The following S100Z variants were observed in gnomAD, a reference collection of about 807,000 sequenced individuals.
The protein encoded by S100Z is protein S100-Z.
S100Z carries 11 observed loss-of-function variants against 8.5 expected under a neutral mutation model. The observed-to-expected ratio is 1.30, with a 90% CI of 0.82 to 2.15. The LOEUF is 2.15. Among genes scored for constraint, S100Z ranks in the 30% most tolerant of loss-of-function variants. S100Z has a pLI of 0.00. For missense variants in S100Z, 126 were observed against 117.9 expected, an observed-to-expected ratio of 1.07 and a Z score of -0.32; for synonymous variants, 34 against 43.8, an observed-to-expected ratio of 0.78 and a Z score of 0.89.
At chr5:76,932,473 C>T in the S100Z span, among the ~76,000 whole-genome samples, 1 of 152,162 alleles carries the variant, frequency 6.6e-6, no homozygotes, top group Non-Finnish European at 1.5e-5. Context: ...CCTGCCTCAG[C>T]CTCCCAAGTA....
chr5:76,850,387 G>A (rs1381429504), intron 1 of S100Z, among the ~76,000 whole-genome samples: 1 of 151,754 alleles, frequency 6.6e-6, no homozygotes, highest in Non-Finnish European at 1.5e-5. Flanking sequence ...ATAGCTCGGA[G>A]CGTAGAGGTT....
At chr5:76,920,474 T>G (rs1314260615) in intron 4 of S100Z, among the ~76,000 whole-genome samples, 3 of 152,346 alleles carry the variant, frequency 2.0e-5, no homozygotes, top group Middle Eastern at 6.8e-3. Context: ...GTATACACAA[T>G]GCTTCGTCGG....
At chr5:76,923,778 G>C (rs1480677524), downstream of S100Z, among the ~76,000 whole-genome samples, 1 of 152,202 alleles carries the variant, frequency 6.6e-6, no homozygotes, top group Non-Finnish European at 1.5e-5. Flanking sequence ...GCACCTGAAA[G>C]CTTGTTGGAA....
At chr5:76,917,114 A>G (rs1448312056) in intron 4 of S100Z, among the ~76,000 whole-genome samples, 1 of 121,900 alleles carries the variant, frequency 8.2e-6, no homozygotes, top group Non-Finnish European at 1.7e-5. Context: ...TGACAGAGTG[A>G]GACTGTCTCA....
At chr5:76,939,035 A>G in the S100Z span, among the ~76,000 whole-genome samples, 1 of 152,210 alleles carries the variant, frequency 6.6e-6, no homozygotes, top group Non-Finnish European at 1.5e-5. Flanking sequence ...ATATTTTCAG[A>G]TTAGAGAAAA....
the S100Z span, among the ~76,000 whole-genome samples, chr5:76,932,716 C>G: frequency 6.6e-6 from 1 of 152,182 alleles, no homozygotes; most frequent in African/African-American, 2.4e-5. Flanking sequence ...CGACCCCTTC[C>G]CATCCACAGA....
At chr5:76,856,061 C>T (rs959967631) in intron 1 of S100Z, among the ~76,000 whole-genome samples, 1 of 152,200 alleles carries the variant, frequency 6.6e-6, no homozygotes. Context: ...CCTTCCTCCT[C>T]CTCCGGCCAC....
chr5:76,872,913 C>T (rs964108501), intron 2 of S100Z, among the ~76,000 whole-genome samples: 24 of 152,180 alleles, frequency 1.6e-4, no homozygotes, highest in Non-Finnish European at 3.1e-4. Context: ...GTCGAGGCTG[C>T]AGTGAGCTGT....
chr5:76,916,027 G>T (rs938441987), intron 4 of S100Z, among the ~76,000 whole-genome samples: 8 of 152,018 alleles, frequency 5.3e-5, no homozygotes, highest in Non-Finnish European at 8.8e-5. Context: ...TGGGCGTGGA[G>T]GTACACACTT....
At chr5:76,879,253 C>T (rs748338053) in intron 4 of S100Z, among the ~76,000 whole-genome samples, 6 of 151,986 alleles carry the variant, frequency 3.9e-5, no homozygotes, top group African/African-American at 9.7e-5. Flanking sequence ...CTATGAGGAC[C>T]GTGGAGAAAA....
chr5:76,866,372 A>G (rs918834175), intron 1 of S100Z, among the ~76,000 whole-genome samples: 2 of 152,172 alleles, frequency 1.3e-5, no homozygotes, highest in African/African-American at 4.8e-5. Context: ...GATATGAGCC[A>G]CCACACCTGG....
intron 4 of S100Z, among the ~76,000 whole-genome samples, chr5:76,901,107 T>G (rs79427106): frequency 0.032 from 4,836 of 152,280 alleles, 254 homozygotes; most frequent in African/African-American, 0.11. Context: ...CTGAGCCACC[T>G]ACAGCTAGAG....
the S100Z span, among the ~76,000 whole-genome samples, chr5:76,934,731 T>C: frequency 6.6e-6 from 1 of 152,210 alleles, no homozygotes; most frequent in Non-Finnish European, 1.5e-5. Flanking sequence ...AGAGCAGCCC[T>C]CACCTGACAC....
chr5:76,881,013 G>A (rs929997033), intron 4 of S100Z, among the ~76,000 whole-genome samples: 3 of 152,186 alleles, frequency 2.0e-5, no homozygotes, highest in African/African-American at 7.2e-5. Context: ...AGATAGCTGG[G>A]GAGAGGTAGA....
intron 4 of S100Z, among the ~76,000 whole-genome samples, 157 bp from the exon 5 acceptor site, chr5:76,920,560 C>G (rs1016595150): frequency 6.6e-6 from 1 of 152,286 alleles, no homozygotes; most frequent in Non-Finnish European, 1.5e-5. Context: ...ATGGAGCGCT[C>G]CTCACTCTCC....
the S100Z span, among the ~76,000 whole-genome samples, chr5:76,952,346 C>G: frequency 1.3e-5 from 2 of 152,204 alleles, no homozygotes. Flanking sequence ...GGAGTGTGTA[C>G]ATCATGTAAA....
the S100Z span, among the ~76,000 whole-genome samples, chr5:76,929,026 G>C: frequency 1.1e-4 from 16 of 152,360 alleles, no homozygotes; most frequent in African/African-American, 3.6e-4. Flanking sequence ...TTATAGGCGT[G>C]AGCCTCTGTG....
chr5:76,862,138 T>TGTGTGG lies in S100Z; in HGVS notation c.-175-8023_-175-8022insGGTGTG, dbSNP rs1751076578. On this transcript the variant is annotated intron_variant, in intron 1 of 4. Coordinates refer to ENST00000317593, the MANE Select transcript of S100Z (RefSeq NM_130772.4). ...CAGGGATAAGGAGTGTGCGTGTGTG[T>TGTGTGG]GTGTGTGTGTGTGTGTGTAAACTTT... 2.0e-5 allele frequency among the ~76,000 whole-genome samples: 3 copies of TGTGTGG among 151,568 alleles called. No individual in the cohort carries two copies. In the South Asian group the frequency reaches 6.2e-4, roughly 32 times the overall value.
intron 4 of S100Z, among the ~76,000 whole-genome samples, chr5:76,917,123 C>CA (rs35232494): frequency 0.55 from 44,814 of 81,202 alleles, 13,415 homozygotes; most frequent in Non-Finnish European, 0.68. Context: ...GAGACTGTCT[C>CA]AAAAAAAAAA....
Sources: allele counts gnomAD v4.1 joint callset (sites outside exome capture counted in the v4.1 genomes callset), GRCh38; gene constraint gnomAD v4.1.1; transcripts MANE v1.5; gene names NCBI Gene and HGNC (gene_info 2026-07-23, HGNC 2026-07-21).